Variants in PPIC observed in about 807,000 individuals in gnomAD.
PPIC encodes the protein peptidyl-prolyl cis-trans isomerase C.
In PPIC, 19 loss-of-function variants were observed where a neutral mutation model predicts 19.5. The observed-to-expected ratio is 0.98, with a 90% CI of 0.68 to 1.43. PPIC has a LOEUF of 1.43. PPIC is among the 40% of genes most tolerant of loss of function. PPIC has a pLI of 0.00. For synonymous variants in PPIC, 107 were observed against 101.2 expected, an observed-to-expected ratio of 1.06 and a Z score of -0.34; for missense variants, 268 against 268.6, an observed-to-expected ratio of 1.00 and a Z score of 0.02.
At chr5:123,034,500 A>G (rs921731966) in intron 1 of PPIC, among the ~76,000 whole-genome samples, 3 of 152,090 alleles carry the variant, frequency 2.0e-5, no homozygotes, top group Non-Finnish European at 4.4e-5. Flanking sequence ...CTGCCTGCAC[A>G]TCAGAATCAC....
Position 123,036,454 on chromosome 5 carries a change from G to GC in PPIC, c.117+54dup. On this transcript the variant is annotated intron_variant, in intron 1 of 4. Coordinates refer to ENST00000306442, the MANE Select transcript of PPIC (RefSeq NM_000943.5). The surrounding 1 kb of genome is among the most constrained non-coding windows in gnomAD (Gnocchi z 4.5). ...ACACCGAGGTCCCAGTATCCAAAGC[G>GC]CCCCCAGGGCCCCGCCCGCAACAGG... The GC allele has an allele frequency of 6.7e-7, 1 of 1,488,132 alleles. No individual in the cohort carries two copies. The highest frequency in any genetic ancestry group is 9.2e-7 in the Non-Finnish European group (1 of 1,082,764). The allele number at this position is 1,488,132 out of a possible 1,614,324, so 92.2% of individuals were successfully genotyped here. A position where few individuals can be genotyped will look rare whatever the true frequency, so the allele number is the denominator to read the frequency against.
intron 3 of PPIC, among the ~76,000 whole-genome samples, chr5:123,026,936 T>C (rs1376636415): frequency 1.3e-5 from 2 of 152,164 alleles, no homozygotes; most frequent in Non-Finnish European, 1.5e-5. Flanking sequence ...GGCTCACACC[T>C]GTAATCCCAG....
At chr5:123,024,055 A>C (rs1477096925) in intron 4 of PPIC, 52 bp from the exon 5 acceptor site, 3 of 1,569,532 alleles carry the variant, frequency 1.9e-6, no homozygotes, top group East Asian at 4.5e-5. Context: ...CAGCTATAGC[A>C]ATCCAAAGGT....
At chr5:123,032,591 C>G (rs554753049) in intron 1 of PPIC, among the ~76,000 whole-genome samples, 2 of 152,316 alleles carry the variant, frequency 1.3e-5, no homozygotes, top group African/African-American at 2.4e-5. Context: ...TAAACCCTCT[C>G]ACCACTGGAT....
chr5:123,029,486 A>T (rs183019681), intron 1 of PPIC, 68 bp from the exon 2 acceptor site: 1 of 1,469,092 alleles, frequency 6.8e-7, no homozygotes, highest in East Asian at 2.3e-5. Flanking sequence ...GGTAAGTCAA[A>T]ATTAAAATCT....
rs770987529 is a variant in PPIC at position 123,024,014 on chromosome 5, A to T, written c.511-11T>A. 6.2e-7 allele frequency: 1 copy of T among 1,611,048 alleles called. No homozygotes were observed. Among genetic ancestry groups the T allele is most frequent in the South Asian group, 1.1e-5 (1 of 90,494 alleles). On this transcript the variant is annotated splice_polypyrimidine_tract_variant and intron_variant, in intron 4 of 4. Coordinates refer to ENST00000306442, the MANE Select transcript of PPIC (RefSeq NM_000943.5). ...GGAGTGCACCACTGTCTGGTGAGAG[A>T]AAAGTAGACACATGGTTTAATTCTG...
rs993531038 is a variant in PPIC, at chr5:123,036,058, G to T, written c.117+451C>A. Reference sequence around the variant, plus strand: ...GCGGCCAGCGTGGAGACCACGCAGCGGGCGGGCGGCTGCAAGCCCTGGGCT... The same window carrying T: ...GCGGCCAGCGTGGAGACCACGCAGCTGGCGGGCGGCTGCAAGCCCTGGGCT... On this transcript the variant is annotated intron_variant, in intron 1 of 4. Transcript: ENST00000306442. The surrounding 1 kb of genome is among the most constrained non-coding windows in gnomAD (Gnocchi z 4.5). Among the ~76,000 whole-genome samples the T allele has an allele frequency of 6.6e-6, 1 of 152,194 alleles. No homozygotes were observed. Among genetic ancestry groups the T allele is most frequent in the Non-Finnish European group, 1.5e-5 (1 of 68,028 alleles).
At chr5:123,026,700 A>G (rs931785348) in intron 3 of PPIC, among the ~76,000 whole-genome samples, 1 of 152,220 alleles carries the variant, frequency 6.6e-6, no homozygotes, top group Non-Finnish European at 1.5e-5. Context: ...CCAGTGGTCA[A>G]CCTTGAACAG....
chr5:123,026,349 G>C (rs1222407968), intron 3 of PPIC, among the ~76,000 whole-genome samples: 1 of 152,088 alleles, frequency 6.6e-6, no homozygotes, highest in Non-Finnish European at 1.5e-5. Flanking sequence ...CTGTGCACCT[G>C]TTTCCTGAGG....
chr5:123,028,608 C>T (rs1445222487), intron 3 of PPIC, 167 bp downstream of exon 3: 11 of 526,186 alleles, frequency 2.1e-5, no homozygotes, highest in Admixed American at 3.6e-5. Flanking sequence ...TCATACCTGT[C>T]GAGATGCTGC....
At chr5:123,031,297 C>G (rs1335191558) in intron 1 of PPIC, among the ~76,000 whole-genome samples, 1 of 152,174 alleles carries the variant, frequency 6.6e-6, no homozygotes, top group African/African-American at 2.4e-5. Context: ...AACCCATAAC[C>G]ACAGTACAGG....
intron 1 of PPIC, among the ~76,000 whole-genome samples, chr5:123,030,188 A>G (rs938418363): frequency 2.6e-5 from 4 of 152,234 alleles, no homozygotes; most frequent in African/African-American, 9.6e-5. Context: ...GAAAAAGAAG[A>G]CACATAGCCA....
chr5:123,024,333 C>T (rs1272078740), intron 4 of PPIC, among the ~76,000 whole-genome samples: 1 of 152,172 alleles, frequency 6.6e-6, no homozygotes, highest in African/African-American at 2.4e-5. Flanking sequence ...TAGTAAAAGG[C>T]ATTTCCATTC....
intron 1 of PPIC, among the ~76,000 whole-genome samples, chr5:123,035,268 T>G (rs367677585): frequency 6.6e-6 from 1 of 152,346 alleles, no homozygotes; most frequent in African/African-American, 2.4e-5. Flanking sequence ...ATATTACAGT[T>G]TATTTCCTCC....
intron 3 of PPIC, among the ~76,000 whole-genome samples, chr5:123,027,231 A>C (rs1338246826): frequency 6.6e-6 from 1 of 152,142 alleles, no homozygotes; most frequent in African/African-American, 2.4e-5. Context: ...TATCAAAGCC[A>C]AGCAATTTAT....
intron 4 of PPIC, among the ~76,000 whole-genome samples, chr5:123,024,536 C>G (rs1234391175): frequency 6.6e-6 from 1 of 152,182 alleles, no homozygotes; most frequent in Non-Finnish European, 1.5e-5. Context: ...CCCCAGCCCC[C>G]CACAGTGCTG....
chr5:123,028,407 C>T (rs1207789025), intron 3 of PPIC: 2 of 177,230 alleles, frequency 1.1e-5, no homozygotes, highest in African/African-American at 2.4e-5. Context: ...CAACGCCCAC[C>T]TCTGCCGCAC....
chr5:123,023,616 T>A lies in PPIC; in HGVS notation c.*259A>T, dbSNP rs935135822. ...CATTAAAAAAATAGCCAATTCAAAG[T>A]TTTTTTTAGTTTTAAAATAGCACCA... On this transcript the variant is annotated 3_prime_UTR_variant, in exon 5 of 5. Transcript: ENST00000306442. 1 of 299,054 alleles carries A rather than the reference T, an allele frequency of 3.3e-6. No individual in the cohort carries two copies. The highest frequency in any genetic ancestry group is 5.6e-6 in the Non-Finnish European group (1 of 177,258). The allele number at this position is 299,054 out of a possible 1,614,324, so 18.5% of individuals were successfully genotyped here.
chr5:123,036,547 C>G lies in PPIC; in HGVS notation c.79G>C (p.Glu27Gln), dbSNP rs1300719430. 1 of 1,604,676 alleles carries G rather than the reference C, an allele frequency of 6.2e-7. No homozygotes were observed. The change falls in exon 1 of 5, where the codon GAG becomes CAG. Residue 27 changes from glutamate to glutamine, a missense_variant. Physicochemically the swap from Glu to Gln is conservative, Grantham distance 29. Transcript: ENST00000306442. This position sits in a 1 kb window ranked among gnomAD's most constrained non-coding sequence, Gnocchi z 4.5. ...GAGGGGCCTCGCTTGCGGAAGCCCT[C>G]GGCCCCCGAAGAAAACACAAGTGCG... Reference protein sequence around the residue: ...LGALVFSSGAEGFRKRGPSVT... With the variant: ...LGALVFSSGAQGFRKRGPSVT...
Sources: allele counts gnomAD v4.1 joint callset (sites outside exome capture counted in the v4.1 genomes callset), GRCh38; gene constraint gnomAD v4.1.1; non-coding constraint Gnocchi (gnomAD v3.1); transcripts MANE v1.5; gene names NCBI Gene and HGNC (gene_info 2026-07-23, HGNC 2026-07-21).